NPHP1: variants seen among roughly 807,000 people sequenced by gnomAD.
NPHP1 encodes the protein nephrocystin-1.
Under a neutral mutation model 90.4 loss-of-function variants are expected in NPHP1, and 70 were observed. The ratio of observed to expected loss-of-function variants is 0.77; its 90% CI spans 0.64 to 0.95. NPHP1 has a LOEUF of 0.95. NPHP1 is among the 40% of genes least tolerant of loss of function. NPHP1 has a pLI of 0.00. For missense variants in NPHP1, 764 were observed against 795.9 expected, an observed-to-expected ratio of 0.96 and a Z score of 0.48; for synonymous variants, 256 against 271.7, an observed-to-expected ratio of 0.94 and a Z score of 0.57.
At position 110,125,581 on chromosome 2, in the gene NPHP1, C is replaced by T. The variant is rs766936427; in HGVS notation, c.1761+56G>A. 4.1e-6 allele frequency: 6 copies of T among 1,469,828 alleles called. No homozygotes were observed. The African/African-American group carries it at 6.9e-5, about 17-fold the overall frequency. 91.0% of individuals were successfully genotyped at this position (1,469,828 alleles called of 1,614,324 possible). A position where few individuals can be genotyped will look rare whatever the true frequency, so the allele number is the denominator to read the frequency against. On this transcript the variant is annotated intron_variant, in intron 19 of 19. Coordinates refer to ENST00000445609, the MANE Select transcript of NPHP1 (RefSeq NM_001128178.3). Reference sequence around the variant, plus strand: ...AAAAAAGAGACATGATTAGAATAGGCAAGCAAACACCAGGTACTGCAAATA... The same window carrying T: ...AAAAAAGAGACATGATTAGAATAGGTAAGCAAACACCAGGTACTGCAAATA...
chr2:110,168,363 G>T, intron 6 of NPHP1, 89 bp downstream of exon 6: 1 of 844,142 alleles, frequency 1.2e-6, no homozygotes, highest in Non-Finnish European at 2.0e-6. Context: ...TCATTCACTA[G>T]TCAACTGACA....
Position 110,148,023 on chromosome 2 carries a change from T to C in NPHP1, c.1162A>G (p.Thr388Ala), listed in dbSNP as rs755943785. Residue 388 changes from threonine to alanine, a missense_variant, in exon 13 of 20, where the codon ACT becomes GCT. Transcript: ENST00000445609. ...TCAAGCAAACATGGTAAGATGCGAG[T>C]AACCTGAAATGATAAAGAAATTAAA... ...PKTWTFSPQV[T>A]RILPCLLDGD... 2.5e-6 allele frequency: 4 copies of C among 1,575,176 alleles called. No individual in the cohort carries two copies. The South Asian group carries it at 3.3e-5, about 13-fold the overall frequency.
intron 15 of NPHP1, chr2:110,144,156 G>C (rs1007090394): frequency 8.7e-6 from 3 of 346,490 alleles, no homozygotes; most frequent in African/African-American, 6.3e-5. Flanking sequence ...AGGGCAATTT[G>C]GCATGCATAT....
At chr2:110,197,633 A>G (rs558338383) in intron 2 of NPHP1, among the ~76,000 whole-genome samples, 43 of 152,182 alleles carry the variant, frequency 2.8e-4, no homozygotes, top group Admixed American at 4.6e-4. Context: ...TGGACTTTGT[A>G]ACCATGAGGA....
At chr2:110,159,994 C>A (rs1682188303) in intron 11 of NPHP1, 133 bp downstream of exon 11, 1 of 836,658 alleles carries the variant, frequency 1.2e-6, no homozygotes, top group East Asian at 2.5e-5. Context: ...TTCAAAGAGT[C>A]ATTCAAATTT....
Position 110,124,018 on chromosome 2 carries a change from C to G in NPHP1, c.1807G>C (p.Asp603His), listed in dbSNP as rs745639828. The change falls in exon 20 of 20, where the codon GAC (aspartate) becomes CAC (histidine). Residue 603 changes from aspartate (D) to histidine (H), a missense_variant. Transcript: ENST00000445609. ...LKSTFLLVYHDCVLPLLHSTR... is the reference protein window; with the variant it reads ...LKSTFLLVYHHCVLPLLHSTR... ...GAGTGGAGAAGTGGGAGCACGCAGT[C>G]ATGGTAAACCAGGAGAAACGTGGAC... 6.2e-7 allele frequency: 1 copy of G among 1,614,118 alleles called. No individual in the cohort carries two copies. Among genetic ancestry groups the G allele is most frequent in the Non-Finnish European group, 8.5e-7 (1 of 1,179,992 alleles).
At chr2:110,125,005 A>C in intron 19 of NPHP1, 2 of 474,572 alleles carry the variant, frequency 4.2e-6, no homozygotes, top group East Asian at 6.8e-5. Context: ...TTCATAAATA[A>C]AGTTTTATAG....
At chr2:110,162,203 T>C (rs1396347416) in intron 9 of NPHP1, among the ~76,000 whole-genome samples, 1 of 152,150 alleles carries the variant, frequency 6.6e-6, no homozygotes, top group African/African-American at 2.4e-5. Flanking sequence ...AAATCAGAGA[T>C]ATGTCCCCTG....
intron 1 of NPHP1, chr2:110,202,549 G>T: frequency 2.7e-6 from 1 of 373,674 alleles, no homozygotes; most frequent in Non-Finnish European, 5.7e-6. Context: ...GTATCAAAAG[G>T]CTCCAGAGCC....
rs1347370511 is a variant in NPHP1 at position 110,168,571 on chromosome 2, T to C, written c.523-18A>G. 3.5e-6 allele frequency: 5 copies of C among 1,444,128 alleles called. No individual in the cohort carries two copies. Among genetic ancestry groups the C allele is most frequent in the Non-Finnish European group, 4.9e-6 (5 of 1,025,364 alleles). The allele number at this position is 1,444,128 out of a possible 1,614,324, so 89.5% of individuals were successfully genotyped here. ...TCCCCTTTCTTAAAGCAAAACAAAG[T>C]AAACCATTTTAAATAAAATTCAATA... On this transcript the variant is annotated intron_variant, in intron 5 of 19. Coordinates refer to ENST00000445609, the MANE Select transcript of NPHP1 (RefSeq NM_001128178.3).
intron 10 of NPHP1, 64 bp downstream of exon 10, chr2:110,161,539 G>GTC (rs376136362): frequency 9.5e-7 from 1 of 1,050,002 alleles, no homozygotes. Context: ...CATGTTGTTT[G>GTC]TCTAATTGCA....
At chr2:110,124,398 T>C (rs1378200538) in intron 19 of NPHP1, 3 of 377,816 alleles carry the variant, frequency 7.9e-6, no homozygotes, top group East Asian at 1.1e-4. Context: ...TAGGGGTAAA[T>C]ATAACTAAAA....
At chr2:110,132,174 C>G (rs1679833890) in intron 16 of NPHP1, among the ~76,000 whole-genome samples, 1 of 152,060 alleles carries the variant, frequency 6.6e-6, no homozygotes, top group African/African-American at 2.4e-5. Flanking sequence ...AGAAATAATT[C>G]AGGCTGTTCA....
chr2:110,185,451 C>T (rs1287826939), intron 2 of NPHP1, among the ~76,000 whole-genome samples: 2 of 152,166 alleles, frequency 1.3e-5, no homozygotes, highest in African/African-American at 4.8e-5. Context: ...ACTCCCTCCT[C>T]AGGTGGGCCT....
chr2:110,152,878 A>G (rs1174703229), intron 11 of NPHP1, among the ~76,000 whole-genome samples: 1 of 152,080 alleles, frequency 6.6e-6, no homozygotes, highest in African/African-American at 2.4e-5. Flanking sequence ...GGAAGAAATA[A>G]TTGGAGTTGC....
At chr2:110,137,811 C>T (rs1433761477) in intron 16 of NPHP1, among the ~76,000 whole-genome samples, 1 of 150,870 alleles carries the variant, frequency 6.6e-6, no homozygotes, top group South Asian at 2.1e-4. Flanking sequence ...TTGACCCAGC[C>T]ATCCCATTAC....
intron 11 of NPHP1, among the ~76,000 whole-genome samples, chr2:110,152,380 T>C (rs1305673118): frequency 2.0e-5 from 3 of 151,502 alleles, no homozygotes; most frequent in Non-Finnish European, 4.4e-5. Context: ...AATGAAGCAG[T>C]GATAGTTAAA....
At chr2:110,143,736 T>C (rs765945454) in intron 15 of NPHP1, 95 bp from the exon 16 acceptor site, 62 of 845,548 alleles carry the variant, frequency 7.3e-5, no homozygotes, top group Non-Finnish European at 1.2e-4. Flanking sequence ...TACCACCCAG[T>C]AGTGCTGAAT....
chr2:110,136,240 G>A (rs1680189599), intron 16 of NPHP1, among the ~76,000 whole-genome samples: 1 of 152,080 alleles, frequency 6.6e-6, no homozygotes, highest in African/African-American at 2.4e-5. Context: ...AAAACTGGAA[G>A]CATTCCCTTT....
Sources: gnomAD v4.1 joint callset for allele counts (sites outside exome capture counted in the v4.1 genomes callset) on GRCh38, gnomAD v4.1.1 for gene constraint, MANE v1.5 for transcripts, NCBI Gene and HGNC (gene_info 2026-07-23, HGNC 2026-07-21) for gene names.